Variants in SIPA1L3 observed in about 807,000 individuals in gnomAD.
SIPA1L3 encodes the protein signal induced proliferation associated 1 like 3.
SIPA1L3 carries 59 observed loss-of-function variants against 150.1 expected under a neutral mutation model. The observed-to-expected ratio is 0.39, with a 90% confidence interval of 0.32 to 0.49. The LOEUF (loss-of-function observed/expected upper bound fraction) is 0.49, where lower values mean the gene tolerates loss of function less well. SIPA1L3 is among the 20% of genes least tolerant of loss of function. SIPA1L3 has a pLI of 0.86. For missense variants in SIPA1L3, 2,211 were observed against 2,489.5 expected (o/e 0.89, Z 2.38); for synonymous variants, 1,070 against 1,077.6 (o/e 0.99, Z 0.14).
intron 4 of SIPA1L3, among the ~76,000 whole-genome samples, chr19:38,098,323 G>T (rs1026491854): frequency 6.6e-6 from 1 of 151,828 alleles, no homozygotes; most frequent in African/African-American, 2.4e-5. Context: ...GGCTGCCACA[G>T]CTCCAAACAT....
At position 38,009,814 on chromosome 19, in the gene SIPA1L3, C is replaced by T. The variant is rs149456886; in HGVS notation, c.-378-19275C>T. ...CTGCTTTGGGGATTTTCCCAGTGAC[C>T]AGGAGGACAGGGTCTGGTTTTCTAT... On this transcript the variant is annotated intron_variant, in intron 1 of 21. Transcript: ENST00000222345. Among the ~76,000 whole-genome samples the T allele has an allele frequency of 3.1e-3, 476 of 152,108 alleles. 2 individuals are homozygous for T. The highest frequency in any genetic ancestry group is 0.011 in the African/African-American group (443 of 41,502).
At chr19:37,949,991 C>A (rs762261724) in intron 1 of SIPA1L3, among the ~76,000 whole-genome samples, 46 of 149,098 alleles carry the variant, frequency 3.1e-4, no homozygotes, top group Non-Finnish European at 4.3e-4. Flanking sequence ...GCAGGAGAAT[C>A]GCTTGAACCC....
At chr19:38,010,686 G>C (rs536564188) in intron 1 of SIPA1L3, among the ~76,000 whole-genome samples, 1 of 152,092 alleles carries the variant, frequency 6.6e-6, no homozygotes, top group Non-Finnish European at 1.5e-5. Context: ...ACTCCAGCCC[G>C]GGCAACAAGA....
At chr19:38,136,727 C>T (rs140940135) in intron 10 of SIPA1L3, among the ~76,000 whole-genome samples, 4 of 152,270 alleles carry the variant, frequency 2.6e-5, no homozygotes, top group Non-Finnish European at 4.4e-5. Flanking sequence ...GATTCTGATG[C>T]GTGTAATCTG....
chr19:38,082,528 C>A lies in SIPA1L3; in HGVS notation c.963C>A (p.Ala321=). ...AGGCTGGGCGTTCCCCGGGGGAGGCCGACGAGGGCCGGAGCCCCCCGGAAG... is the reference window on the plus strand; with the variant it reads ...AGGCTGGGCGTTCCCCGGGGGAGGCAGACGAGGGCCGGAGCCCCCCGGAAG... The part of the protein sequence containing the change: ...EGEAGRSPGE[A]DEGRSPPEAS... Residue 321 remains alanine, a synonymous_variant, in exon 3 of 22, where the codon GCC becomes GCA. Transcript: ENST00000222345. The A allele has an allele frequency of 6.3e-7, 1 of 1,597,660 alleles. No individual in the cohort carries two copies. The highest frequency in any genetic ancestry group is 1.1e-5 in the South Asian group (1 of 90,700).
intron 1 of SIPA1L3, among the ~76,000 whole-genome samples, chr19:37,930,068 AGGCTGGAGTGCAGT>A (rs1480376461): frequency 2.9e-5 from 4 of 139,004 alleles, no homozygotes; most frequent in African/African-American, 1.1e-4. Flanking sequence ...TCTGTTTCCC[AGGCTGGAGTGCAGT>A]GGCGCGATCT....
intron 9 of SIPA1L3, among the ~76,000 whole-genome samples, chr19:38,128,655 G>A (rs1410165606): frequency 6.6e-6 from 1 of 152,152 alleles, no homozygotes; most frequent in Non-Finnish European, 1.5e-5. Context: ...CCAGCACTTT[G>A]GGAGGCCGAG....
chr19:37,933,242 C>G (rs550055792), intron 1 of SIPA1L3, among the ~76,000 whole-genome samples: 1 of 151,986 alleles, frequency 6.6e-6, no homozygotes, highest in African/African-American at 2.4e-5. Flanking sequence ...GTTCCTCCCT[C>G]GGAGACTTTG....
At chr19:38,140,199 C>T (rs1237302655) in intron 10 of SIPA1L3, among the ~76,000 whole-genome samples, 4 of 152,210 alleles carry the variant, frequency 2.6e-5, no homozygotes, top group African/African-American at 9.6e-5. Context: ...GAGCTCAGCT[C>T]TCAGCTGCCA....
intron 21 of SIPA1L3, among the ~76,000 whole-genome samples, chr19:38,205,837 G>A (rs2146080628): frequency 6.6e-6 from 1 of 152,354 alleles, no homozygotes; most frequent in African/African-American, 2.4e-5. Context: ...GACTCCACAT[G>A]TGGTTGCGTT....
intron 5 of SIPA1L3, among the ~76,000 whole-genome samples, chr19:38,100,456 G>C (rs958470986): frequency 6.6e-6 from 1 of 152,084 alleles, no homozygotes; most frequent in Admixed American, 6.6e-5. Flanking sequence ...TCCACATGCT[G>C]GCTCCCTCTG....
At chr19:38,083,213 C>A in intron 3 of SIPA1L3, 114 bp downstream of exon 3, 1 of 1,130,808 alleles carries the variant, frequency 8.8e-7, no homozygotes, top group Non-Finnish European at 1.3e-6. Flanking sequence ...GAGGATGTGG[C>A]GGGAACAGAG....
In SIPA1L3 at chr19:37,986,635, C is replaced by T. The variant is rs62120136; in HGVS notation, c.-378-42454C>T. Among the ~76,000 whole-genome samples, 811 of 152,350 alleles carry T rather than the reference C, an allele frequency of 5.3e-3. 9 individuals are homozygous for T. The highest frequency in any genetic ancestry group is 0.044 in the Middle Eastern group (13 of 294). Reference sequence around the variant, plus strand: ...TGCCAGGGAGAGAAGACTGCTTCCTCCAGGGCAGCTTCTTCTTTTCTTAAC... The same window carrying T: ...TGCCAGGGAGAGAAGACTGCTTCCTTCAGGGCAGCTTCTTCTTTTCTTAAC... On this transcript the variant is annotated intron_variant, in intron 1 of 21. Coordinates refer to ENST00000222345, the MANE Select transcript of SIPA1L3 (RefSeq NM_015073.3).
chr19:38,129,237 G>A (rs1971252832), intron 9 of SIPA1L3, among the ~76,000 whole-genome samples: 1 of 152,176 alleles, frequency 6.6e-6, no homozygotes, highest in African/African-American at 2.4e-5. Context: ...CAGTGAAGCA[G>A]GGAGTCCTGG....
At chr19:38,018,506 TG>T (rs1468775739) in intron 1 of SIPA1L3, among the ~76,000 whole-genome samples, 3 of 152,198 alleles carry the variant, frequency 2.0e-5, no homozygotes, top group Admixed American at 2.0e-4. Context: ...TTCATGTAAA[TG>T]GAACTGTATA....
At position 38,186,820 on chromosome 19, in the gene SIPA1L3, G is replaced by A. The variant is rs554485005; in HGVS notation, c.4430+4080G>A. Among the ~76,000 whole-genome samples the A allele has an allele frequency of 8.4e-4, 124 of 148,362 alleles. 1 individual carries two copies. Among genetic ancestry groups the A allele is most frequent in the African/African-American group, 2.9e-3 (117 of 40,446 alleles). ...AGCCTGACCAACATGGAGAAACCCT[G>A]TCTCTACTAAAAATACAAAATTAGC... On this transcript the variant is annotated intron_variant, in intron 16 of 21. Coordinates refer to ENST00000222345, the MANE Select transcript of SIPA1L3 (RefSeq NM_015073.3).
At chr19:38,021,225 C>T (rs181973319) in intron 1 of SIPA1L3, among the ~76,000 whole-genome samples, 5 of 152,244 alleles carry the variant, frequency 3.3e-5, no homozygotes, top group Admixed American at 2.6e-4. Flanking sequence ...ATGATTCAGC[C>T]GCAGCTAGCA....
intron 1 of SIPA1L3, among the ~76,000 whole-genome samples, chr19:37,990,012 A>G (rs554718869): frequency 6.6e-6 from 1 of 151,666 alleles, no homozygotes; most frequent in East Asian, 2.0e-4. Context: ...CCCCCACCTG[A>G]CCTTTTGTTT....
At chr19:37,931,356 A>G (rs1436286957) in intron 1 of SIPA1L3, among the ~76,000 whole-genome samples, 1 of 152,048 alleles carries the variant, frequency 6.6e-6, no homozygotes, top group East Asian at 1.9e-4. Flanking sequence ...CTACAAAAAT[A>G]ATAATAAAGC....
Sources: allele counts gnomAD v4.1 joint callset (sites outside exome capture counted in the v4.1 genomes callset), GRCh38; gene constraint gnomAD v4.1.1; transcripts MANE v1.5; gene names NCBI Gene and HGNC (gene_info 2026-07-23, HGNC 2026-07-21).